SORBS2: variants seen among roughly 807,000 people sequenced by gnomAD.
SORBS2 encodes the protein sorbin and SH3 domain-containing protein 2.
SORBS2 carries 46 observed loss-of-function variants against 97.7 expected under a neutral mutation model. The ratio of observed to expected loss-of-function variants is 0.47; its 90% CI spans 0.37 to 0.60. The LOEUF (loss-of-function observed/expected upper bound fraction) is 0.60, where lower values mean the gene tolerates loss of function less well. Among genes scored for constraint, SORBS2 ranks in the 20% least tolerant of loss-of-function variants. The probability of loss-of-function intolerance (pLI) is 0.00; values close to 1 mark genes in which losing one functional copy is unlikely to be tolerated. For synonymous variants in SORBS2, 476 were observed against 473.4 expected, an observed-to-expected ratio of 1.01 and a Z score of -0.07; for missense variants, 1,316 against 1,282.3, an observed-to-expected ratio of 1.03 and a Z score of -0.40.
chr4:185,808,683 A>G (rs1275866777), intron 1 of SORBS2, among the ~76,000 whole-genome samples: 1 of 152,220 alleles, frequency 6.6e-6, no homozygotes, highest in Non-Finnish European at 1.5e-5. Flanking sequence ...ACTTAGGAAC[A>G]TTAAAAGAAA....
intron 1 of SORBS2, among the ~76,000 whole-genome samples, chr4:185,836,730 G>A (rs2099208309): frequency 6.6e-6 from 1 of 152,118 alleles, no homozygotes; most frequent in South Asian, 2.1e-4. Flanking sequence ...TATAATGTCA[G>A]TCACACCCAA....
At chr4:185,918,922 A>T (rs1213434874) in intron 1 of SORBS2, among the ~76,000 whole-genome samples, 1 of 152,234 alleles carries the variant, frequency 6.6e-6, no homozygotes, top group East Asian at 1.9e-4. Context: ...TAATATATAC[A>T]TGTAACTGGA....
At chr4:185,885,399 T>G (rs879011795) in intron 1 of SORBS2, among the ~76,000 whole-genome samples, 2 of 152,230 alleles carry the variant, frequency 1.3e-5, no homozygotes, top group Non-Finnish European at 2.9e-5. Flanking sequence ...AAGAACATAA[T>G]GAAGGCTTAA....
intron 2 of SORBS2, among the ~76,000 whole-genome samples, chr4:185,738,444 A>C (rs1481314186): frequency 1.3e-5 from 2 of 152,168 alleles, no homozygotes; most frequent in Non-Finnish European, 2.9e-5. Flanking sequence ...AAAAAACAAG[A>C]CATGCTGTGT....
At chr4:185,918,874 C>T (rs1384112939) in intron 1 of SORBS2, among the ~76,000 whole-genome samples, 1 of 152,164 alleles carries the variant, frequency 6.6e-6, no homozygotes, top group Non-Finnish European at 1.5e-5. Context: ...CACGTATGTT[C>T]ACCCAGTACA....
At chr4:185,649,704 C>A (rs947776030) in intron 2 of SORBS2, 48 bp from the exon 12 acceptor site, 9 of 1,183,224 alleles carry the variant, frequency 7.6e-6, no homozygotes, top group Non-Finnish European at 8.9e-6. Context: ...AGCAAATCAC[C>A]TCTTAAAAAT....
chr4:185,914,868 C>T (rs989439798), intron 1 of SORBS2, among the ~76,000 whole-genome samples: 2 of 152,206 alleles, frequency 1.3e-5, no homozygotes, highest in African/African-American at 2.4e-5. Context: ...AATGTTTATA[C>T]ACAATCAATT....
At chr4:185,881,184 G>A (rs191433421) in intron 1 of SORBS2, among the ~76,000 whole-genome samples, 1 of 152,178 alleles carries the variant, frequency 6.6e-6, no homozygotes, top group Admixed American at 6.5e-5. Context: ...GTAGAGTTAA[G>A]GAAATTGAGA....
intron 2 of SORBS2, among the ~76,000 whole-genome samples, chr4:185,766,630 T>G (rs756779933): frequency 1.3e-5 from 2 of 152,232 alleles, no homozygotes; most frequent in Non-Finnish European, 2.9e-5. Flanking sequence ...TTTGAAATAT[T>G]TCAAAGTTCA....
chr4:185,681,833 C>T (rs775004166), intron 2 of SORBS2, among the ~76,000 whole-genome samples: 3 of 152,096 alleles, frequency 2.0e-5, no homozygotes, highest in East Asian at 3.9e-4. Context: ...TGACAGCTTT[C>T]GTGTAGCTGT....
chr4:185,591,286 A>G (rs2095927071), intron 13 of SORBS2, among the ~76,000 whole-genome samples: 1 of 152,188 alleles, frequency 6.6e-6, no homozygotes, highest in South Asian at 2.1e-4. Context: ...TTCTCCTGTT[A>G]AAACTTCATC....
chr4:185,670,463 A>T (rs930126890), intron 4 of SORBS2, among the ~76,000 whole-genome samples: 1 of 152,056 alleles, frequency 6.6e-6, no homozygotes, highest in Non-Finnish European at 1.5e-5. Context: ...CTCTCTTAAC[A>T]CCTTTAGTCA....
At chr4:185,825,340 C>T (rs745856199) in intron 1 of SORBS2, among the ~76,000 whole-genome samples, 7 of 152,010 alleles carry the variant, frequency 4.6e-5, no homozygotes, top group Non-Finnish European at 1.0e-4. Flanking sequence ...TAAATCTCTT[C>T]CTTATAGAAA....
chr4:185,648,522 C>T (rs1229288915), intron 3 of SORBS2, among the ~76,000 whole-genome samples: 1 of 151,344 alleles, frequency 6.6e-6, no homozygotes, highest in Non-Finnish European at 1.5e-5. Flanking sequence ...AGGCATGAGC[C>T]ACCACGCCTG....
At chr4:185,821,497 C>T (rs2099196790) in intron 1 of SORBS2, among the ~76,000 whole-genome samples, 2 of 152,206 alleles carry the variant, frequency 1.3e-5, no homozygotes, top group African/African-American at 2.4e-5. Flanking sequence ...CATCTCAGCT[C>T]ACTGCCACCT....
intron 12 of SORBS2, among the ~76,000 whole-genome samples, chr4:185,601,057 G>A (rs1402939228): frequency 6.6e-6 from 1 of 152,114 alleles, no homozygotes; most frequent in African/African-American, 2.4e-5. Flanking sequence ...ACTTCCGGAG[G>A]AATAAAACAC....
At chr4:185,724,594 G>T (rs953529224) in intron 2 of SORBS2, among the ~76,000 whole-genome samples, 2 of 152,040 alleles carry the variant, frequency 1.3e-5, no homozygotes, top group Non-Finnish European at 2.9e-5. Flanking sequence ...AAAGTATGGG[G>T]GGCCTCTGCT....
chr4:185,814,806 G>C (rs886494120), intron 1 of SORBS2, among the ~76,000 whole-genome samples: 1 of 152,190 alleles, frequency 6.6e-6, no homozygotes, highest in African/African-American at 2.4e-5. Flanking sequence ...ACATCACTCT[G>C]CTGCCAGTCT....
intron 2 of SORBS2, among the ~76,000 whole-genome samples, chr4:185,741,473 G>A (rs1366454983): frequency 2.3e-5 from 3 of 132,244 alleles, no homozygotes; most frequent in African/African-American, 5.8e-5. Context: ...GCATGATCTC[G>A]GCTCACTGCA....
Sources: gnomAD v4.1 joint callset for allele counts (sites outside exome capture counted in the v4.1 genomes callset) on GRCh38, gnomAD v4.1.1 for gene constraint, MANE v1.5 for transcripts, NCBI Gene and HGNC (gene_info 2026-07-23, HGNC 2026-07-21) for gene names.